The following PUDP variants were observed in gnomAD, a reference collection of about 807,000 sequenced individuals.
PUDP encodes the protein pseudouridine-5'-phosphatase.
Under a neutral mutation model 9.4 loss-of-function variants are expected in PUDP, and 8 were observed. The ratio of observed to expected loss-of-function variants is 0.85; its 90% CI spans 0.50 to 1.53. PUDP has a LOEUF of 1.53. PUDP is among the 40% of genes most tolerant of loss of function. The pLI is 0.00. For synonymous variants in PUDP, 99 were observed against 80.7 expected, an observed-to-expected ratio of 1.23 and a Z score of -1.22; for missense variants, 188 against 189.7, an observed-to-expected ratio of 0.99 and a Z score of 0.05.
downstream of PUDP, among the ~76,000 whole-genome samples, chrX:7,045,717 T>C (rs1469276832): frequency 2.7e-5 from 3 of 110,818 alleles, no homozygotes; most frequent in African/African-American, 6.6e-5. Context: ...CCCAGGGAAA[T>C]CTAAAAAGTC....
intron 3 of PUDP, among the ~76,000 whole-genome samples, chrX:6,817,196 C>A (rs755848574): frequency 9.2e-6 from 1 of 108,810 alleles, no homozygotes; most frequent in South Asian, 3.9e-4. Flanking sequence ...CTTGCCTCAG[C>A]CTTCTGAGTA....
At chrX:6,899,209 T>G (rs1280955903) in intron 3 of PUDP, among the ~76,000 whole-genome samples, 1 of 112,959 alleles carries the variant, frequency 8.9e-6, no homozygotes, top group African/African-American at 3.2e-5. Context: ...CAAACAGGGT[T>G]TGATCTCCAG....
chrX:7,070,588 T>C (rs752810707), intron 3 of PUDP, among the ~76,000 whole-genome samples: 19 of 111,416 alleles, frequency 1.7e-4, no homozygotes, highest in African/African-American at 5.9e-4. Context: ...TTAACTTTTT[T>C]TTTTTTTGGA....
chrX:6,768,996 T>C (rs181398494), intron 3 of PUDP, among the ~76,000 whole-genome samples: 1 of 112,128 alleles, frequency 8.9e-6, no homozygotes, highest in Non-Finnish European at 1.9e-5. Context: ...ACAACGAAAG[T>C]AGCACATTTT....
chrX:7,098,337 G>A (rs189475723), intron 2 of PUDP, among the ~76,000 whole-genome samples: 2 of 112,014 alleles, frequency 1.8e-5, no homozygotes, highest in Admixed American at 9.4e-5. Flanking sequence ...GTACCTTGTT[G>A]CTGTACCCTC....
chrX:6,834,440 G>T (rs1307950884), intron 3 of PUDP, among the ~76,000 whole-genome samples: 1 of 110,969 alleles, frequency 9.0e-6, no homozygotes, highest in Non-Finnish European at 1.9e-5. Context: ...CCTAGCCTCT[G>T]GTTTGGCTCA....
intron 3 of PUDP, among the ~76,000 whole-genome samples, chrX:6,787,036 C>T (rs1260612010): frequency 1.9e-5 from 2 of 106,630 alleles, no homozygotes; most frequent in African/African-American, 6.9e-5. Context: ...TCTCTGTCTC[C>T]GGTTGATTTA....
intron 3 of PUDP, among the ~76,000 whole-genome samples, chrX:6,841,862 T>C (rs989760446): frequency 1.8e-5 from 2 of 111,195 alleles, no homozygotes; most frequent in African/African-American, 6.6e-5. Flanking sequence ...GAGAAAACCC[T>C]GATTAACTAA....
intron 1 of PUDP, among the ~76,000 whole-genome samples, chrX:7,016,528 C>T (rs898488648): frequency 9.0e-6 from 1 of 110,874 alleles, no homozygotes; most frequent in Non-Finnish European, 1.9e-5. Flanking sequence ...TAATGGGGTA[C>T]ACATTTATCA....
intron 1 of PUDP, among the ~76,000 whole-genome samples, chrX:7,015,033 C>T (rs1929528625): frequency 8.9e-6 from 1 of 111,902 alleles, no homozygotes; most frequent in African/African-American, 3.3e-5. Flanking sequence ...GAATTCACTC[C>T]TACTCCGCTT....
intron 1 of PUDP, among the ~76,000 whole-genome samples, chrX:6,981,516 A>G (rs112226444): frequency 6.5e-4 from 73 of 112,023 alleles, no homozygotes; most frequent in African/African-American, 2.3e-3. Context: ...TAAAAGTTTC[A>G]TCAGAGAGTC....
intron 1 of PUDP, among the ~76,000 whole-genome samples, chrX:7,032,209 C>T (rs1295053860): frequency 1.8e-5 from 2 of 111,717 alleles, no homozygotes; most frequent in East Asian, 5.6e-4. Context: ...ATACTCATAC[C>T]CATTAGAATG....
downstream of PUDP, among the ~76,000 whole-genome samples, chrX:7,044,782 T>C (rs1274913904): frequency 8.9e-6 from 1 of 112,843 alleles, no homozygotes; most frequent in Non-Finnish European, 1.9e-5. Context: ...TTTCAAATGA[T>C]CATCAGCATA....
At chrX:7,062,475 T>C (rs899365742) in intron 3 of PUDP, among the ~76,000 whole-genome samples, 1 of 110,529 alleles carries the variant, frequency 9.0e-6, no homozygotes, top group African/African-American at 3.3e-5. Flanking sequence ...AAATGGAAGG[T>C]GTGTGTGGGG....
chrX:6,789,071 C>T (rs1280452944), intron 3 of PUDP, among the ~76,000 whole-genome samples: 4 of 111,485 alleles, frequency 3.6e-5, no homozygotes, highest in Admixed American at 9.6e-5. Context: ...AGGCGGATCA[C>T]TTGAGGTCAG....
intron 3 of PUDP, among the ~76,000 whole-genome samples, chrX:6,873,919 A>T (rs777271859): frequency 2.8e-4 from 31 of 111,802 alleles, no homozygotes; most frequent in Non-Finnish European, 5.1e-4. Context: ...CTGGTAAATA[A>T]TTTTTCAGCC....
intron 2 of PUDP, among the ~76,000 whole-genome samples, chrX:7,101,799 CT>C (rs1468786208): frequency 4.5e-5 from 5 of 111,482 alleles, no homozygotes; most frequent in African/African-American, 1.6e-4. Context: ...AACAAAAACA[CT>C]CATATGACTA....
At chrX:6,764,867 A>G (rs12011189) in intron 3 of PUDP, among the ~76,000 whole-genome samples, 1,120 of 111,945 alleles carry the variant, frequency 0.01, 12 homozygotes, top group African/African-American at 0.034. Context: ...ATTTTAATAA[A>G]TGGCTAAATG....
At chrX:7,027,667 T>C (rs1381576132) in intron 1 of PUDP, among the ~76,000 whole-genome samples, 1 of 100,732 alleles carries the variant, frequency 9.9e-6, no homozygotes, top group Non-Finnish European at 2.0e-5. Context: ...ATAATATATA[T>C]AGAATATATC....
Sources: allele counts gnomAD v4.1 joint callset (sites outside exome capture counted in the v4.1 genomes callset), GRCh38; gene constraint gnomAD v4.1.1; transcripts MANE v1.5; gene names NCBI Gene and HGNC (gene_info 2026-07-23, HGNC 2026-07-21).